The following DGKB variants were observed in gnomAD, a reference collection of about 807,000 sequenced individuals.
DGKB encodes the protein 90 kDa diacylglycerol kinase.
In DGKB, 67 loss-of-function variants were observed where a neutral mutation model predicts 114.3. The ratio of observed to expected loss-of-function variants is 0.59; its 90% CI spans 0.48 to 0.72. The LOEUF is 0.72. DGKB is among the 30% of genes least tolerant of loss of function. The pLI is 0.00. For missense variants in DGKB, 907 were observed against 975.2 expected (o/e 0.93, Z 0.93); for synonymous variants, 398 against 323.1 (o/e 1.23, Z -2.49).
At chr7:14,409,532 C>T (rs1196178357) in intron 21 of DGKB, among the ~76,000 whole-genome samples, 2 of 50,990 alleles carry the variant, frequency 3.9e-5, no homozygotes, top group African/African-American at 1.1e-4. Context: ...AAGGTGAAAC[C>T]CCGTCTCTAC....
intron 8 of DGKB, among the ~76,000 whole-genome samples, chr7:14,696,074 C>G (rs1303775494): frequency 6.6e-6 from 1 of 152,160 alleles, no homozygotes; most frequent in Non-Finnish European, 1.5e-5. Flanking sequence ...AGAAAGACTA[C>G]TCAGCCACCA....
intron 23 of DGKB, among the ~76,000 whole-genome samples, chr7:14,315,228 C>T (rs921729245): frequency 2.7e-5 from 4 of 148,598 alleles, no homozygotes; most frequent in African/African-American, 7.4e-5. Flanking sequence ...CATCAACTAA[C>T]GAGCAAAATC....
At chr7:14,777,462 T>C (rs1838372589) in intron 2 of DGKB, among the ~76,000 whole-genome samples, 1 of 152,114 alleles carries the variant, frequency 6.6e-6, no homozygotes, top group Admixed American at 6.5e-5. Context: ...TGGTGGGAGG[T>C]AACTGAATCA....
At chr7:14,832,238 T>C (rs1477223391) in intron 2 of DGKB, among the ~76,000 whole-genome samples, 3 of 152,034 alleles carry the variant, frequency 2.0e-5, no homozygotes, top group Non-Finnish European at 2.9e-5. Context: ...ACAATTGATA[T>C]AGACTCAAGC....
In DGKB at chr7:14,862,842, T is replaced by C. The variant is rs542802669; in HGVS notation, c.-187-21392A>G. Among the ~76,000 whole-genome samples the C allele has an allele frequency of 4.7e-4, 71 of 152,262 alleles. 1 individual carries two copies. The highest frequency in any genetic ancestry group is 4.3e-4 in the Non-Finnish European group (29 of 67,964). On this transcript the variant is annotated intron_variant, in intron 1 of 25. Coordinates refer to ENST00000402815, the MANE Select transcript of DGKB (RefSeq NM_001350709.2). ...CAACATTCACTATTTTGGATATTTG[T>C]GTTTTATTTCAGCCACTTTAATTCT...
At chr7:14,352,816 G>A (rs1441430277) in intron 21 of DGKB, among the ~76,000 whole-genome samples, 4 of 151,974 alleles carry the variant, frequency 2.6e-5, no homozygotes, top group African/African-American at 4.8e-5. Flanking sequence ...CCAGCTACTC[G>A]GGAGGCTGAG....
At chr7:14,271,890 C>T (rs1192500264) in intron 23 of DGKB, among the ~76,000 whole-genome samples, 1 of 152,160 alleles carries the variant, frequency 6.6e-6, no homozygotes, top group Non-Finnish European at 1.5e-5. Flanking sequence ...TAGAACAAAA[C>T]CCAACATTTT....
chr7:14,325,912 A>G (rs999676212), intron 23 of DGKB, among the ~76,000 whole-genome samples: 1 of 152,180 alleles, frequency 6.6e-6, no homozygotes, highest in Admixed American at 6.6e-5. Flanking sequence ...TAAATTTTAT[A>G]GAAAAATAAT....
rs1241706077 is a variant in DGKB, at chr7:14,672,852, A to G, written c.1134+77T>C. The G allele has an allele frequency of 5.0e-6, 4 of 794,088 alleles. No homozygotes were observed. In the Admixed American group the frequency reaches 1.1e-4, roughly 21 times the overall value. 49.2% of individuals were successfully genotyped at this position (794,088 alleles called of 1,614,324 possible). ...CCTTGATTGATGAAAAATTATCTCTAGAAGCTTTTAATGGTATACGATACT... is the reference window on the plus strand; with the variant it reads ...CCTTGATTGATGAAAAATTATCTCTGGAAGCTTTTAATGGTATACGATACT... On this transcript the variant is annotated intron_variant, in intron 13 of 25. Transcript: ENST00000402815.
At chr7:14,963,049 T>G (rs1387016352) in intron 1 of DGKB, among the ~76,000 whole-genome samples, 1 of 152,070 alleles carries the variant, frequency 6.6e-6, no homozygotes, top group Non-Finnish European at 1.5e-5. Context: ...TCAAACTGTC[T>G]TTATAAAGCT....
chr7:14,200,926 A>C (rs1475999196), intron 23 of DGKB, among the ~76,000 whole-genome samples: 1 of 152,036 alleles, frequency 6.6e-6, no homozygotes, highest in East Asian at 1.9e-4. Context: ...GGTTTTCCTT[A>C]CATTTGACTA....
At chr7:14,551,547 T>C (rs1484052856) in intron 20 of DGKB, among the ~76,000 whole-genome samples, 1 of 152,096 alleles carries the variant, frequency 6.6e-6, no homozygotes, top group Non-Finnish European at 1.5e-5. Context: ...ATCAATACTC[T>C]ATGTAGGGAA....
chr7:14,938,373 G>C (rs1175005568), intron 1 of DGKB, among the ~76,000 whole-genome samples: 2 of 152,182 alleles, frequency 1.3e-5, no homozygotes, highest in African/African-American at 4.8e-5. Flanking sequence ...AAGATGGACT[G>C]ATAACAGATA....
rs573173446 is a variant in DGKB, at chr7:14,935,029, T to C, written c.-188+39667A>G. 1.2e-4 allele frequency among the ~76,000 whole-genome samples: 19 copies of C among 152,298 alleles called. No homozygotes were observed. In the South Asian group the frequency reaches 3.3e-3, roughly 27 times the overall value. On this transcript the variant is annotated intron_variant, in intron 1 of 4. Coordinates refer to the DGKB transcript ENST00000437998. ...GAAGCCTTAGAGCTAATTTGAGTAT[T>C]ACTGTACAGGAAAGCATTCAAGTGC...
intron 23 of DGKB, among the ~76,000 whole-genome samples, chr7:14,205,840 A>G (rs1393454488): frequency 2.6e-5 from 4 of 152,004 alleles, no homozygotes; most frequent in African/African-American, 9.7e-5. Flanking sequence ...GGGAAGTAGA[A>G]TCTTACTATA....
At position 14,471,257 on chromosome 7, in the gene DGKB, G is replaced by A. The variant is rs1257709688; in HGVS notation, c.1835+6904C>T. On this transcript the variant is annotated intron_variant, in intron 21 of 25. Coordinates refer to ENST00000402815, the MANE Select transcript of DGKB (RefSeq NM_001350709.2). The stretch of plus-strand genomic sequence containing the variant: ...AATATATGTATACATACATATATGT[G>A]TATGGAATATATGTGTATACATACA... Among the ~76,000 whole-genome samples, 34 of 135,324 alleles carry A rather than the reference G, an allele frequency of 2.5e-4. 3 individuals carry two copies. Among genetic ancestry groups the A allele is most frequent in the African/African-American group, 7.0e-4 (22 of 31,460 alleles). 88.8% of individuals were successfully genotyped at this position (135,324 alleles called of 152,430 possible).
intron 23 of DGKB, among the ~76,000 whole-genome samples, chr7:14,312,516 A>C (rs952488818): frequency 6.6e-6 from 1 of 152,340 alleles, no homozygotes; most frequent in African/African-American, 2.4e-5. Flanking sequence ...ATGAAGCAGT[A>C]AAAATTTTAT....
chr7:14,825,026 A>ATG (rs1845486926), intron 2 of DGKB, among the ~76,000 whole-genome samples: 1 of 129,516 alleles, frequency 7.7e-6, no homozygotes. Context: ...GTATATATAT[A>ATG]TATATATATA....
At chr7:14,277,305 G>A in intron 23 of DGKB, among the ~76,000 whole-genome samples, 1 of 151,992 alleles carries the variant, frequency 6.6e-6, no homozygotes, top group Non-Finnish European at 1.5e-5. Flanking sequence ...CAAGTAGCTG[G>A]AATTACAGGT....
Sources: allele counts gnomAD v4.1 joint callset (sites outside exome capture counted in the v4.1 genomes callset), GRCh38; gene constraint gnomAD v4.1.1; transcripts MANE v1.5; gene names NCBI Gene and HGNC (gene_info 2026-07-23, HGNC 2026-07-21).